Variants in COL4A4 observed in about 807,000 individuals in gnomAD.
COL4A4 encodes the protein collagen type IV alpha 4 chain.
COL4A4 carries 105 observed loss-of-function variants against 192.9 expected under a neutral mutation model. The ratio of observed to expected loss-of-function variants is 0.54; its 90% CI spans 0.46 to 0.64. The LOEUF (loss-of-function observed/expected upper bound fraction) is 0.64, where lower values mean the gene tolerates loss of function less well. Among genes scored for constraint, COL4A4 ranks in the 30% least tolerant of loss-of-function variants. COL4A4 has a pLI of 0.00. For missense variants in COL4A4, 1,967 were observed against 2,169.3 expected (o/e 0.91, Z 1.85); for synonymous variants, 762 against 769.9 (o/e 0.99, Z 0.17).
chr2:227,025,497 G>A (rs1966817335), intron 43 of COL4A4, among the ~76,000 whole-genome samples: 1 of 152,060 alleles, frequency 6.6e-6, no homozygotes, highest in South Asian at 2.1e-4. Context: ...AACTTACATT[G>A]GTTATGTACT....
intron 19 of COL4A4, 107 bp downstream of exon 19, chr2:227,098,587 C>A (rs1361723835): frequency 7.0e-6 from 6 of 853,280 alleles, no homozygotes; most frequent in Non-Finnish European, 1.2e-5. Context: ...TTATTTTACA[C>A]AATCCTAAGG....
At chr2:227,048,053 G>A (rs1433092501) in intron 34 of COL4A4, among the ~76,000 whole-genome samples, 1 of 152,074 alleles carries the variant, frequency 6.6e-6, no homozygotes, top group Non-Finnish European at 1.5e-5. Context: ...AGCCACTGTA[G>A]GCCATGACTC....
At chr2:227,089,587 C>CTATATATATATA (rs1284003513) in intron 21 of COL4A4, among the ~76,000 whole-genome samples, 1 of 62,098 alleles carries the variant, frequency 1.6e-5, no homozygotes, top group Non-Finnish European at 3.7e-5. Flanking sequence ...GGCAAATGTT[C>CTATATATATATA]CATATATATA....
intron 1 of COL4A4, among the ~76,000 whole-genome samples, chr2:227,155,845 C>T (rs1346595119): frequency 6.6e-6 from 1 of 152,100 alleles, no homozygotes; most frequent in African/African-American, 2.4e-5. Context: ...CTTGATGACT[C>T]CCATCATATA....
chr2:227,146,614 G>T (rs2063566031), intron 2 of COL4A4, among the ~76,000 whole-genome samples: 1 of 152,170 alleles, frequency 6.6e-6, no homozygotes, highest in Admixed American at 6.5e-5. Flanking sequence ...GAGGTCAGAA[G>T]TCTGAAATGG....
At chr2:227,150,715 C>A (rs1262447622) in intron 1 of COL4A4, among the ~76,000 whole-genome samples, 2 of 152,088 alleles carry the variant, frequency 1.3e-5, no homozygotes, top group Non-Finnish European at 1.5e-5. Context: ...GAGTACTGAG[C>A]AAAGGGGGAA....
the COL4A4 span, among the ~76,000 whole-genome samples, chr2:226,972,611 G>A: frequency 6.6e-6 from 1 of 152,162 alleles, no homozygotes; most frequent in Non-Finnish European, 1.5e-5. Context: ...GTCAAGGCAG[G>A]AGCTGGAAAT....
chr2:227,121,220 A>C, intron 4 of COL4A4, 72 bp from the exon 5 acceptor site: 5 of 1,511,830 alleles, frequency 3.3e-6, no homozygotes, highest in Non-Finnish European at 4.5e-6. Context: ...ACATATACTC[A>C]TTCAGGCCTA....
intron 37 of COL4A4, among the ~76,000 whole-genome samples, 162 bp from the exon 38 acceptor site, chr2:227,033,643 C>G (rs1186578790): frequency 6.6e-6 from 1 of 152,212 alleles, no homozygotes; most frequent in African/African-American, 2.4e-5. Flanking sequence ...AGGCCCAGGA[C>G]TATTTAACAC....
chr2:227,039,003 A>G (rs1349940119), intron 37 of COL4A4, among the ~76,000 whole-genome samples: 1 of 152,208 alleles, frequency 6.6e-6, no homozygotes, highest in Non-Finnish European at 1.5e-5. Context: ...ATGGAGCACC[A>G]CTGCAACATC....
downstream of COL4A4, chr2:226,998,066 A>G (rs1165690177): frequency 6.6e-6 from 1 of 152,238 alleles, no homozygotes; most frequent in African/African-American, 2.4e-5. Flanking sequence ...ATTTATTAGT[A>G]GCTCCCTGAT....
Position 227,088,777 on chromosome 2 carries a change from C to G in COL4A4, c.1499G>C (p.Gly500Ala), listed in dbSNP as rs1182243065. Residue 500 changes from glycine (G) to alanine (A), a missense_variant, in exon 22 of 48, where the codon GGC becomes GCC. Coordinates refer to ENST00000396625, the MANE Select transcript of COL4A4 (RefSeq NM_000092.5). ...GLCACEPGPM[G>A]PPGPPGLPGR... is the part of the protein sequence containing the mutation. The stretch of plus-strand genomic sequence containing the variant: ...AGGAAGTCCTGGAGGGCCAGGGGGG[C>G]CCATGGGTCCAGGCTCACAGGCACA... 6 of 1,614,130 alleles carry G rather than the reference C, an allele frequency of 3.7e-6. No individual in the cohort carries two copies. The highest frequency in any genetic ancestry group is 4.2e-6 in the Non-Finnish European group (5 of 1,180,022).
rs554558972 is a variant in COL4A4, at chr2:227,065,991, A to C, written c.1988-3393T>G. On this transcript the variant is annotated intron_variant, in intron 25 of 47. Coordinates refer to ENST00000396625, the MANE Select transcript of COL4A4 (RefSeq NM_000092.5). Reference sequence around the variant, plus strand: ...GAAAACTTTGAAAAGAATTTAGAAGAATGTATAACTATAATAACCAATATA... The same window carrying C: ...GAAAACTTTGAAAAGAATTTAGAAGCATGTATAACTATAATAACCAATATA... Among the ~76,000 whole-genome samples, 19 of 152,320 alleles carry C rather than the reference A, an allele frequency of 1.2e-4. No homozygotes were observed. The South Asian group carries it at 3.9e-3, about 32-fold the overall frequency.
the COL4A4 span, among the ~76,000 whole-genome samples, chr2:226,979,055 A>G: frequency 1.3e-5 from 2 of 152,184 alleles, no homozygotes; most frequent in East Asian, 3.9e-4. Context: ...ATGATAGGCC[A>G]TCTGCGGGCT....
chr2:227,036,201 T>G (rs1969632993), intron 37 of COL4A4, among the ~76,000 whole-genome samples: 1 of 152,186 alleles, frequency 6.6e-6, no homozygotes. Context: ...GGCTGGGTGC[T>G]CTTTCTCTAG....
chr2:227,031,850 C>T, intron 40 of COL4A4, 95 bp downstream of exon 40: 3 of 919,804 alleles, frequency 3.3e-6, no homozygotes, highest in African/African-American at 1.6e-5. Context: ...TGCTTCAGTG[C>T]TTCTATTCTG....
In COL4A4 at chr2:227,088,639, T is replaced by C. The variant is rs757931875; in HGVS notation, c.1623+14A>G. On this transcript the variant is annotated intron_variant, in intron 22 of 47. Coordinates refer to ENST00000396625, the MANE Select transcript of COL4A4 (RefSeq NM_000092.5). ...CTCTTTTAACTGGAAAGATGACTGG[T>C]AAGAGGTACTCACTGGTAGCCCTGG... 3.1e-6 allele frequency: 5 copies of C among 1,613,996 alleles called. No individual in the cohort carries two copies. The South Asian group carries it at 5.5e-5, about 18-fold the overall frequency.
the COL4A4 span, among the ~76,000 whole-genome samples, chr2:226,994,353 C>G: frequency 6.6e-6 from 1 of 152,198 alleles, no homozygotes; most frequent in African/African-American, 2.4e-5. Context: ...GCCTACACAT[C>G]TGGCAGGATG....
At chr2:227,101,000 G>A (rs1014362666) in intron 17 of COL4A4, among the ~76,000 whole-genome samples, 6 of 151,974 alleles carry the variant, frequency 3.9e-5, no homozygotes, top group Non-Finnish European at 2.9e-5. Flanking sequence ...AGTAGAGACG[G>A]GGTTTCACTG....
Sources: allele counts gnomAD v4.1 joint callset (sites outside exome capture counted in the v4.1 genomes callset), GRCh38; gene constraint gnomAD v4.1.1; transcripts MANE v1.5; gene names NCBI Gene and HGNC (gene_info 2026-07-23, HGNC 2026-07-21).